The following ASRGL1 variants were observed in gnomAD, a reference collection of about 807,000 sequenced individuals.
ASRGL1 encodes the protein asparaginase and isoaspartyl peptidase 1.
ASRGL1 carries 16 observed loss-of-function variants against 22.4 expected under a neutral mutation model. That is an observed-to-expected ratio of 0.71 (90% CI 0.48 to 1.08). ASRGL1 has a LOEUF of 1.08. Ranked by LOEUF, ASRGL1 falls within the 50% of genes least tolerant of loss-of-function variation. The probability of loss-of-function intolerance (pLI) is 0.00; values close to 1 mark genes in which losing one functional copy is unlikely to be tolerated. For synonymous variants in ASRGL1, 165 were observed against 159.3 expected (o/e 1.04, Z -0.27); for missense variants, 412 against 410.1 (o/e 1.00, Z -0.04).
chr11:62,397,816 G>C (rs985654820), downstream of ASRGL1, among the ~76,000 whole-genome samples: 3 of 152,102 alleles, frequency 2.0e-5, no homozygotes, highest in African/African-American at 7.2e-5. Context: ...GTATGTTTCA[G>C]TTAACACTCT....
chr11:62,392,449 G>A lies in ASRGL1; in HGVS notation c.*165G>A, dbSNP rs1947363447. 2 of 812,476 alleles carry A rather than the reference G, an allele frequency of 2.5e-6. No homozygotes were observed. Among genetic ancestry groups the A allele is most frequent in the Admixed American group, 2.5e-5 (1 of 40,200 alleles). 50.3% of individuals were successfully genotyped at this position (812,476 alleles called of 1,614,324 possible). A position where few individuals can be genotyped will look rare whatever the true frequency, so the allele number is the denominator to read the frequency against. On this transcript the variant is annotated 3_prime_UTR_variant, in exon 7 of 7. Coordinates refer to ENST00000415229, the MANE Select transcript of ASRGL1 (RefSeq NM_001083926.2). ...AATGTTTGGTTGTGGGGCGGGTTCT[G>A]AAGCGATGAGAGAAATGCCCGTATT...
intron 4 of ASRGL1, among the ~76,000 whole-genome samples, chr11:62,386,540 C>T (rs1044827958): frequency 2.9e-5 from 2 of 69,894 alleles, no homozygotes; most frequent in Non-Finnish European, 8.9e-5. Flanking sequence ...TAGAGGTCAG[C>T]GCTAGCTGAG....
chr11:62,366,165 G>A (rs1407427608), intron 4 of ASRGL1, among the ~76,000 whole-genome samples: 24 of 137,902 alleles, frequency 1.7e-4, no homozygotes, highest in African/African-American at 6.5e-4. Context: ...AGGAGGCTGA[G>A]GCAGGAGAAT....
chr11:62,398,603 G>A, the ASRGL1 span, among the ~76,000 whole-genome samples: 1 of 152,110 alleles, frequency 6.6e-6, no homozygotes, highest in African/African-American at 2.4e-5. Context: ...TTTTTTAAAA[G>A]TAAGAAACAC....
At chr11:62,356,960 T>C in intron 3 of ASRGL1, 27 bp from the exon 4 acceptor site, 1 of 1,564,052 alleles carries the variant, frequency 6.4e-7, no homozygotes, top group Non-Finnish European at 8.6e-7. Context: ...AAAAAAACAA[T>C]CATTTTCTCT....
At chr11:62,367,522 T>C (rs1252898060) in intron 4 of ASRGL1, among the ~76,000 whole-genome samples, 1 of 151,910 alleles carries the variant, frequency 6.6e-6, no homozygotes, top group Non-Finnish European at 1.5e-5. Flanking sequence ...CGCATGCCTG[T>C]AATTCCAGCT....
intron 4 of ASRGL1, among the ~76,000 whole-genome samples, chr11:62,387,586 A>T (rs1410117051): frequency 1.3e-5 from 2 of 152,104 alleles, no homozygotes; most frequent in Non-Finnish European, 2.9e-5. Context: ...TGCATCAGGA[A>T]CGCTCCTCCC....
chr11:62,360,365 TA>T (rs1365017531), intron 4 of ASRGL1, among the ~76,000 whole-genome samples: 1 of 151,974 alleles, frequency 6.6e-6, no homozygotes, highest in Admixed American at 6.6e-5. Flanking sequence ...ATTAGCTCTT[TA>T]TTTTTTTATG....
rs971270411 is a variant in ASRGL1, at chr11:62,377,933, G to A, written c.492-11200G>A. On this transcript the variant is annotated intron_variant, in intron 4 of 6. Transcript: ENST00000415229. ...GTAGCAAAAATCAAAAGTTGGAGTG[G>A]GGCTAAGGGATCTATTCTATTTATT... Among the ~76,000 whole-genome samples, 6 of 152,176 alleles carry A rather than the reference G, an allele frequency of 3.9e-5. 1 individual carries two copies. The highest frequency in any genetic ancestry group is 3.9e-4 in the Admixed American group (6 of 15,290).
intron 4 of ASRGL1, chr11:62,383,181 A>C (rs1317977333): frequency 6.6e-6 from 1 of 152,182 alleles, no homozygotes; most frequent in African/African-American, 2.4e-5. Context: ...TGGTAATTCC[A>C]GTTGCTGCTG....
chr11:62,393,512 T>C (rs1168934110), downstream of ASRGL1: 1 of 152,152 alleles, frequency 6.6e-6, no homozygotes, highest in Admixed American at 6.6e-5. Flanking sequence ...ATGAGGATGG[T>C]GTGGAGGGTG....
At chr11:62,371,111 C>A (rs1946748611) in intron 4 of ASRGL1, 2 of 756,216 alleles carry the variant, frequency 2.6e-6, no homozygotes, top group South Asian at 2.6e-5. Context: ...TCTGGTTTCT[C>A]ATCACTCCAA....
At chr11:62,372,496 G>A in intron 4 of ASRGL1, 2 of 1,245,882 alleles carry the variant, frequency 1.6e-6, no homozygotes, top group South Asian at 2.4e-5. Context: ...GAAGTTCATT[G>A]CCCGGGCACA....
chr11:62,377,768 T>G (rs1270178568), intron 4 of ASRGL1, among the ~76,000 whole-genome samples: 1 of 152,176 alleles, frequency 6.6e-6, no homozygotes, highest in Non-Finnish European at 1.5e-5. Context: ...CACAATTTTA[T>G]TATTCGTAAT....
intron 4 of ASRGL1, among the ~76,000 whole-genome samples, chr11:62,379,112 A>G (rs953037177): frequency 4.6e-5 from 7 of 152,188 alleles, no homozygotes; most frequent in African/African-American, 1.4e-4. Context: ...TGAAGTAATC[A>G]TTGAAGTAAT....
chr11:62,391,947 C>T (rs1947349947), intron 6 of ASRGL1, 132 bp from the exon 7 acceptor site: 2 of 1,084,032 alleles, frequency 1.8e-6, no homozygotes, highest in Non-Finnish European at 2.7e-6. Flanking sequence ...GAGGACCCTC[C>T]TTTTAAGCAT....
At chr11:62,347,038 C>A (rs1946043515) in intron 2 of ASRGL1, among the ~76,000 whole-genome samples, 1 of 152,054 alleles carries the variant, frequency 6.6e-6, no homozygotes, top group Admixed American at 6.6e-5. Flanking sequence ...CATCTATAGC[C>A]AGATGCACTT....
In ASRGL1 at chr11:62,358,078, A is replaced by G. The variant is rs190864506; in HGVS notation, c.491+934A>G. The stretch of plus-strand genomic sequence containing the variant: ...TCAGGTTCAGAGTCTGTTTTAAAAG[A>G]TTGGCCTTGGCCGGGTGCGGTGGCT... On this transcript the variant is annotated intron_variant, in intron 4 of 6. Transcript: ENST00000415229. Among the ~76,000 whole-genome samples, 191 of 152,292 alleles carry G rather than the reference A, an allele frequency of 1.3e-3. 1 individual carries two copies. Among genetic ancestry groups the G allele is most frequent in the African/African-American group, 4.1e-3 (172 of 41,574 alleles).
At chr11:62,367,034 G>A (rs1319484906) in intron 4 of ASRGL1, among the ~76,000 whole-genome samples, 30 of 151,604 alleles carry the variant, frequency 2.0e-4, no homozygotes, top group Admixed American at 7.2e-4. Flanking sequence ...GTGAAACCCC[G>A]TCTCTACTAA....
Sources: allele counts gnomAD v4.1 joint callset (sites outside exome capture counted in the v4.1 genomes callset), GRCh38; gene constraint gnomAD v4.1.1; transcripts MANE v1.5; gene names NCBI Gene and HGNC (gene_info 2026-07-23, HGNC 2026-07-21).